CACNA1C: variants seen among roughly 807,000 people sequenced by gnomAD.
CACNA1C encodes calcium voltage-gated channel subunit alpha1 C, also known as voltage-dependent L-type calcium channel subunit alpha-1C.
In CACNA1C, 30 loss-of-function variants were observed where a neutral mutation model predicts 229.0. That is an observed-to-expected ratio of 0.13 (90% CI 0.10 to 0.18). The LOEUF (loss-of-function observed/expected upper bound fraction) is 0.18, where lower values mean the gene tolerates loss of function less well. Ranked by LOEUF, CACNA1C falls within the 10% of genes least tolerant of loss-of-function variation. CACNA1C has a pLI of 1.00. For synonymous variants in CACNA1C, 1,114 were observed against 1,132.5 expected (o/e 0.98, Z 0.33); for missense variants, 1,658 against 2,845.0 (o/e 0.58, Z 9.49).
chr12:2,034,125 CAG>C lies in CACNA1C; in HGVS notation c.139+62925_139+62926del, dbSNP rs752803429. Reference sequence around the variant, plus strand: ...ACATACTAACTCATTTTAATCCTCACAGCAACCCCATGAGGTGGATATCTTTA... The same window carrying C: ...ACATACTAACTCATTTTAATCCTCACCAACCCCATGAGGTGGATATCTTTA... On this transcript the variant is annotated intron_variant, in intron 1 of 46. Transcript: ENST00000682462. The surrounding 1 kb of genome is among the most constrained non-coding windows in gnomAD (Gnocchi z 4.1). 5.3e-5 allele frequency among the ~76,000 whole-genome samples: 8 copies of C among 152,210 alleles called. No homozygotes were observed. The highest frequency in any genetic ancestry group is 8.8e-5 in the Non-Finnish European group (6 of 68,044).
At chr12:2,684,477 T>C (rs2097340523) in intron 43 of CACNA1C, among the ~76,000 whole-genome samples, 1 of 152,156 alleles carries the variant, frequency 6.6e-6, no homozygotes, top group Non-Finnish European at 1.5e-5. Context: ...GAAGAGCATA[T>C]ATTTTAAACT....
chr12:2,538,907 T>C (rs4765953), intron 9 of CACNA1C, among the ~76,000 whole-genome samples: 12,688 of 152,286 alleles, frequency 0.083, 643 homozygotes, highest in Middle Eastern at 0.14. Context: ...TCAGGTCTAT[T>C]CTGCGGTGGG....
intron 29 of CACNA1C, among the ~76,000 whole-genome samples, chr12:2,631,471 A>G (rs888756170): frequency 6.6e-6 from 1 of 152,156 alleles, no homozygotes; most frequent in Admixed American, 6.6e-5. Context: ...CCAAAATCTA[A>G]TTTTAAGTCT....
chr12:2,565,730 T>C (rs1485509357), intron 11 of CACNA1C, among the ~76,000 whole-genome samples: 2 of 152,206 alleles, frequency 1.3e-5, no homozygotes, highest in Admixed American at 6.5e-5. Context: ...ATGTGCCCAT[T>C]TTTCTGAAAG....
At chr12:2,164,089 A>G (rs7304870) in intron 3 of CACNA1C, among the ~76,000 whole-genome samples, 31,636 of 152,092 alleles carry the variant, frequency 0.21, 3,653 homozygotes, top group East Asian at 0.5. Context: ...TCCTTGCTGC[A>G]AGACCCTGCT....
At position 2,348,169 on chromosome 12, in the gene CACNA1C, G is replaced by A. The variant is rs1013198951; in HGVS notation, c.478-100807G>A. ...GGAGCGTGGGGCTAGCTGCCAGTGG[G>A]ATGGCCCCAGCCGGAGGAGCTGGGC... is the stretch of plus-strand genomic sequence containing the variant. On this transcript the variant is annotated intron_variant, in intron 3 of 46. Coordinates refer to ENST00000399655, the MANE Select transcript of CACNA1C (RefSeq NM_000719.7). This position sits in a 1 kb window ranked among gnomAD's most constrained non-coding sequence, Gnocchi z 4.7. Among the ~76,000 whole-genome samples, 2 of 152,214 alleles carry A rather than the reference G, an allele frequency of 1.3e-5. No homozygotes were observed. Among genetic ancestry groups the A allele is most frequent in the African/African-American group, 4.8e-5 (2 of 41,476 alleles).
At chr12:2,558,850 T>G (rs1284307250) in intron 11 of CACNA1C, among the ~76,000 whole-genome samples, 1 of 152,218 alleles carries the variant, frequency 6.6e-6, no homozygotes, top group Non-Finnish European at 1.5e-5. Context: ...CAATCCTTGT[T>G]TCTCTCAAAC....
chr12:2,352,689 G>T (rs182780708), intron 3 of CACNA1C, among the ~76,000 whole-genome samples: 1 of 150,626 alleles, frequency 6.6e-6, no homozygotes, highest in Admixed American at 6.6e-5. Flanking sequence ...GGGAGATGCT[G>T]GTTACCCCCA....
At chr12:2,191,201 G>A (rs2154297328) in intron 3 of CACNA1C, among the ~76,000 whole-genome samples, 1 of 152,270 alleles carries the variant, frequency 6.6e-6, no homozygotes, top group South Asian at 2.1e-4. Flanking sequence ...GTCCAGGAGA[G>A]CAGGGGCATG....
At chr12:2,174,094 G>A (rs1041634942) in intron 3 of CACNA1C, among the ~76,000 whole-genome samples, 6 of 152,038 alleles carry the variant, frequency 3.9e-5, no homozygotes, top group Non-Finnish European at 8.8e-5. Context: ...TCTAAGGGGC[G>A]AAGGAGCTGC....
chr12:2,341,971 A>T (rs750965577), intron 3 of CACNA1C, among the ~76,000 whole-genome samples: 22 of 152,182 alleles, frequency 1.4e-4, no homozygotes, highest in Middle Eastern at 3.2e-3. Flanking sequence ...TGTTAACCCC[A>T]TGCTGCTTGG....
In CACNA1C at chr12:2,053,376, T is replaced by G; in HGVS notation, c.-187T>G. 7.3e-7 allele frequency: 1 copy of G among 1,373,876 alleles called. No individual in the cohort carries two copies. The highest frequency in any genetic ancestry group is 9.4e-7 in the Non-Finnish European group (1 of 1,061,546). The allele number at this position is 1,373,876 out of a possible 1,614,324, so 85.1% of individuals were successfully genotyped here. On this transcript the variant is annotated 5_prime_UTR_variant, in exon 1 of 47. Transcript: ENST00000399655. The surrounding 1 kb of genome is among the most constrained non-coding windows in gnomAD (Gnocchi z 5.8). ...TAGTGGAAAGGAGCAGTTTTTGGGG[T>G]TTGATGCCATAATGGGAATCAGGTA...
chr12:2,629,091 T>C (rs1297108815), intron 29 of CACNA1C, among the ~76,000 whole-genome samples: 1 of 152,188 alleles, frequency 6.6e-6, no homozygotes, highest in Non-Finnish European at 1.5e-5. Flanking sequence ...AATCAGATTA[T>C]GATTACCTCC....
At chr12:2,379,209 A>G (rs1029876925) in intron 3 of CACNA1C, among the ~76,000 whole-genome samples, 1 of 152,048 alleles carries the variant, frequency 6.6e-6, no homozygotes, top group Non-Finnish European at 1.5e-5. Context: ...GTACTGTACA[A>G]TTTTCTGGGT....
intron 5 of CACNA1C, among the ~76,000 whole-genome samples, chr12:2,475,081 C>T (rs1485537813): frequency 6.6e-6 from 1 of 152,056 alleles, no homozygotes; most frequent in African/African-American, 2.4e-5. Context: ...AGGCGGATCA[C>T]GAGGTCAGGA....
chr12:2,370,040 C>T (rs536428094), intron 3 of CACNA1C, among the ~76,000 whole-genome samples: 2 of 152,258 alleles, frequency 1.3e-5, no homozygotes, highest in African/African-American at 2.4e-5. Context: ...AACACATCCC[C>T]ATTAGAAAAT....
At chr12:2,004,168 A>C in intron 1 of CACNA1C, 5 of 1,424,316 alleles carry the variant, frequency 3.5e-6, no homozygotes, top group African/African-American at 3.2e-5. Flanking sequence ...AGATCCACCC[A>C]CTTCCAGGGC....
chr12:2,567,375 G>C (rs185334267), intron 12 of CACNA1C, among the ~76,000 whole-genome samples, 194 bp from the exon 13 acceptor site: 15 of 152,378 alleles, frequency 9.8e-5, no homozygotes, highest in Non-Finnish European at 1.8e-4. Flanking sequence ...CTCAGTAAAT[G>C]TCTGTTATGA....
intron 1 of CACNA1C, among the ~76,000 whole-genome samples, chr12:2,000,337 G>A (rs1315668507): frequency 1.3e-5 from 2 of 152,142 alleles, no homozygotes; most frequent in South Asian, 2.1e-4. Context: ...TGGTCTTCCA[G>A]TATCTGACCT....
Sources: allele counts gnomAD v4.1 joint callset (sites outside exome capture counted in the v4.1 genomes callset), GRCh38; gene constraint gnomAD v4.1.1; non-coding constraint Gnocchi (gnomAD v3.1); transcripts MANE v1.5; gene names NCBI Gene and HGNC (gene_info 2026-07-23, HGNC 2026-07-21).